Variants in CSGALNACT1 observed in about 807,000 individuals in gnomAD.
The protein encoded by CSGALNACT1 is chondroitin sulfate N-acetylgalactosaminyltransferase 1.
Under a neutral mutation model 51.0 loss-of-function variants are expected in CSGALNACT1, and 52 were observed. The observed-to-expected ratio is 1.02, with a 90% CI of 0.82 to 1.29. The LOEUF (loss-of-function observed/expected upper bound fraction) is 1.29, where lower values mean the gene tolerates loss of function less well. Ranked by LOEUF, CSGALNACT1 falls within the 50% of genes most tolerant of loss-of-function variation. The pLI is 0.00. For synonymous variants in CSGALNACT1, 341 were observed against 254.4 expected, an observed-to-expected ratio of 1.34 and a Z score of -3.24; for missense variants, 935 against 679.2, an observed-to-expected ratio of 1.38 and a Z score of -4.19.
At chr8:19,606,425 C>A (rs749044188), upstream of CSGALNACT1, among the ~76,000 whole-genome samples, 3 of 152,134 alleles carry the variant, frequency 2.0e-5, no homozygotes, top group East Asian at 5.8e-4. Flanking sequence ...AAAAGAAAGG[C>A]CTCTTGGATG....
intron 4 of CSGALNACT1, among the ~76,000 whole-genome samples, chr8:19,500,428 C>A (rs993234700): frequency 1.3e-5 from 2 of 149,064 alleles, no homozygotes; most frequent in Admixed American, 6.6e-5. Flanking sequence ...ACCTGAAAGG[C>A]TGTCTTATGA....
chr8:19,555,287 G>A (rs1307524218), intron 3 of CSGALNACT1, among the ~76,000 whole-genome samples: 1 of 151,902 alleles, frequency 6.6e-6, no homozygotes, highest in Admixed American at 6.6e-5. Context: ...GTCAGTTATA[G>A]GAGTTAAAAG....
intron 1 of CSGALNACT1, among the ~76,000 whole-genome samples, chr8:19,621,313 G>C (rs1035874175): frequency 8.5e-5 from 13 of 152,048 alleles, no homozygotes; most frequent in African/African-American, 3.1e-4. Context: ...TTGTACACAA[G>C]TTTATTATAA....
At chr8:19,513,436 C>CTCTCTCTCTATATATATATA in intron 3 of CSGALNACT1, among the ~76,000 whole-genome samples, 74 of 81,938 alleles carry the variant, frequency 9.0e-4, no homozygotes, top group East Asian at 1.6e-3. Flanking sequence ...CTCTCTCTCT[C>CTCTCTCTCTATATATATATA]TATATATATA....
chr8:19,425,962 A>C (rs1487553900), intron 6 of CSGALNACT1, among the ~76,000 whole-genome samples: 1 of 152,126 alleles, frequency 6.6e-6, no homozygotes, highest in African/African-American at 2.4e-5. Context: ...CATTTGACCC[A>C]GCCCTGCCTC....
At chr8:19,658,531 T>C (rs2058488566) in intron 1 of CSGALNACT1, among the ~76,000 whole-genome samples, 1 of 152,098 alleles carries the variant, frequency 6.6e-6, no homozygotes, top group African/African-American at 2.4e-5. Context: ...GTCAGGAGTT[T>C]GAGACCAGCC....
At chr8:19,486,032 C>G (rs958779682) in intron 4 of CSGALNACT1, among the ~76,000 whole-genome samples, 3 of 151,664 alleles carry the variant, frequency 2.0e-5, no homozygotes, top group African/African-American at 7.3e-5. Flanking sequence ...TCCCGAAGTG[C>G]TGGGATTACA....
intron 6 of CSGALNACT1, among the ~76,000 whole-genome samples, chr8:19,424,657 C>T (rs1201950539): frequency 1.3e-5 from 2 of 152,178 alleles, no homozygotes; most frequent in African/African-American, 4.8e-5. Context: ...AGTCAGGCCA[C>T]TTATCAATGC....
chr8:19,546,934 C>T (rs976308844), intron 3 of CSGALNACT1, among the ~76,000 whole-genome samples: 6 of 152,198 alleles, frequency 3.9e-5, no homozygotes, highest in Non-Finnish European at 8.8e-5. Flanking sequence ...TGTCAAGATG[C>T]TCTTCGCAGA....
intron 4 of CSGALNACT1, among the ~76,000 whole-genome samples, chr8:19,482,317 A>G (rs990298559): frequency 6.6e-6 from 1 of 152,234 alleles, no homozygotes; most frequent in African/African-American, 2.4e-5. Context: ...AAATAAGCAC[A>G]TGCAGGGAGC....
chr8:19,609,661 G>T (rs1223750353), intron 1 of CSGALNACT1, among the ~76,000 whole-genome samples: 1 of 151,878 alleles, frequency 6.6e-6, no homozygotes, highest in Non-Finnish European at 1.5e-5. Flanking sequence ...GGGGTTGGGG[G>T]GTGAGAGGGG....
At position 19,408,697 on chromosome 8, in the gene CSGALNACT1, G is replaced by A; in HGVS notation, c.1228-3C>T. On this transcript the variant is annotated splice_polypyrimidine_tract_variant and splice_region_variant and intron_variant, in intron 8 of 9. Coordinates refer to ENST00000454498, the Ensembl canonical transcript of CSGALNACT1. The stretch of plus-strand genomic sequence containing the variant: ...AATCCAGTTTCCTTCTTTATGACCT[G>A]CAAGAAAAGCACTGTCATTTGAGGG... 6.2e-7 allele frequency: 1 copy of A among 1,613,418 alleles called. No individual in the cohort carries two copies. Among genetic ancestry groups the A allele is most frequent in the Non-Finnish European group, 8.5e-7 (1 of 1,179,704 alleles).
chr8:19,701,666 T>C (rs2061886758), intron 1 of CSGALNACT1, among the ~76,000 whole-genome samples: 1 of 152,320 alleles, frequency 6.6e-6, no homozygotes, highest in East Asian at 1.9e-4. Context: ...TGGATAATGA[T>C]GACGATGATC....
intron 2 of CSGALNACT1, among the ~76,000 whole-genome samples, chr8:19,591,617 T>A (rs2047834017): frequency 6.6e-6 from 1 of 152,168 alleles, no homozygotes; most frequent in Admixed American, 6.5e-5. Context: ...AGTAATTGAC[T>A]GATAGGGATA....
intron 1 of CSGALNACT1, among the ~76,000 whole-genome samples, chr8:19,698,734 G>T (rs1462463080): frequency 6.6e-6 from 1 of 151,948 alleles, no homozygotes; most frequent in Non-Finnish European, 1.5e-5. Flanking sequence ...AATGCAAAAT[G>T]GTGCAGCTGC....
At chr8:19,612,367 A>C (rs1419850623) in intron 1 of CSGALNACT1, among the ~76,000 whole-genome samples, 1 of 152,088 alleles carries the variant, frequency 6.6e-6, no homozygotes, top group Admixed American at 6.6e-5. Context: ...ATTGAAAAAA[A>C]AAATTCTCCA....
chr8:19,602,903 G>T (rs1217692651), upstream of CSGALNACT1: 1 of 151,800 alleles, frequency 6.6e-6, no homozygotes, highest in Non-Finnish European at 1.5e-5. Flanking sequence ...CGAGTTGTCA[G>T]GATTTTTATC....
intron 1 of CSGALNACT1, among the ~76,000 whole-genome samples, chr8:19,736,928 T>TTA (rs1554468026): frequency 9.7e-6 from 1 of 103,408 alleles, no homozygotes; most frequent in African/African-American, 4.8e-5. Context: ...CTGAACAGGA[T>TTA]AAAAAAAAAA....
intron 1 of CSGALNACT1, chr8:19,732,488 C>T (rs2154246396): frequency 6.6e-6 from 1 of 152,252 alleles, no homozygotes; most frequent in Non-Finnish European, 1.5e-5. Flanking sequence ...TATTGTCTTC[C>T]CTGATCCTGA....
Sources: gnomAD v4.1 joint callset for allele counts (sites outside exome capture counted in the v4.1 genomes callset) on GRCh38, gnomAD v4.1.1 for gene constraint, MANE v1.5 for transcripts, NCBI Gene and HGNC (gene_info 2026-07-23, HGNC 2026-07-21) for gene names.